The following SDK1 variants were observed in gnomAD, a reference collection of about 807,000 sequenced individuals.
SDK1 encodes the protein sidekick cell adhesion molecule 1.
A neutral mutation model predicts 245.5 loss-of-function variants in SDK1; 157 were observed. That is an observed-to-expected ratio of 0.64 (90% CI 0.56 to 0.73). The LOEUF (loss-of-function observed/expected upper bound fraction) is 0.73, where lower values mean the gene tolerates loss of function less well. Ranked by LOEUF, SDK1 falls within the 30% of genes least tolerant of loss-of-function variation. The pLI, the probability that SDK1 is intolerant of heterozygous loss-of-function variation, is 0.00. For synonymous variants in SDK1, 1,647 were observed against 1,278.5 expected, an observed-to-expected ratio of 1.29 and a Z score of -6.15; for missense variants, 3,583 against 3,002.3, an observed-to-expected ratio of 1.19 and a Z score of -4.52.
intron 44 of SDK1, among the ~76,000 whole-genome samples, chr7:4,258,184 A>G (rs1328409353): frequency 6.6e-6 from 1 of 152,182 alleles, no homozygotes; most frequent in Non-Finnish European, 1.5e-5. Context: ...AAACACGCAG[A>G]TGGGTGTGGG....
chr7:3,488,881 C>G (rs928880100), intron 1 of SDK1, among the ~76,000 whole-genome samples: 2 of 151,052 alleles, frequency 1.3e-5, no homozygotes, highest in Admixed American at 6.6e-5. Context: ...TAGCACTTCT[C>G]TCTTTCCCTT....
intron 35 of SDK1, among the ~76,000 whole-genome samples, chr7:4,195,561 C>G (rs1783528523): frequency 6.6e-6 from 1 of 152,212 alleles, no homozygotes; most frequent in South Asian, 2.1e-4. Context: ...CCTGGCATCT[C>G]TGCCGGGCGC....
intron 4 of SDK1, among the ~76,000 whole-genome samples, chr7:3,744,074 A>T (rs181933416): frequency 3.3e-5 from 5 of 152,240 alleles, no homozygotes; most frequent in East Asian, 1.9e-4. Context: ...CTTTATTTCA[A>T]TAGCCTCCTA....
intron 1 of SDK1, among the ~76,000 whole-genome samples, chr7:3,331,437 A>C (rs141494477): frequency 6.6e-6 from 1 of 152,196 alleles, no homozygotes; most frequent in Non-Finnish European, 1.5e-5. Context: ...GTCCATTTGC[A>C]TATCTTCTTT....
intron 14 of SDK1, among the ~76,000 whole-genome samples, chr7:3,993,215 G>T (rs960429532): frequency 2.0e-5 from 3 of 152,226 alleles, no homozygotes; most frequent in Non-Finnish European, 4.4e-5. Context: ...CGGCAACCTT[G>T]ATATTTGGGA....
chr7:3,702,758 G>T (rs949636648), intron 4 of SDK1, among the ~76,000 whole-genome samples: 2 of 152,184 alleles, frequency 1.3e-5, no homozygotes, highest in African/African-American at 4.8e-5. Context: ...AAATTAGAAA[G>T]ATGGTTCAAG....
intron 5 of SDK1, among the ~76,000 whole-genome samples, chr7:3,931,750 T>C (rs761301630): frequency 5.3e-5 from 8 of 152,318 alleles, no homozygotes; most frequent in East Asian, 1.9e-4. Flanking sequence ...TGCCGACTTA[T>C]GGGGCGTTTT....
rs77326065 is a variant in SDK1 at position 3,930,421 on chromosome 7, G to A, written c.848-20502G>A. Among the ~76,000 whole-genome samples, 692 of 152,206 alleles carry A rather than the reference G, an allele frequency of 4.5e-3. 6 individuals carry two copies. The highest frequency in any genetic ancestry group is 0.016 in the African/African-American group (657 of 41,518). ...TGAACAGGATCCCCAGCTGAATCAC[G>A]TACACACACAAGTTTGAGAAGCACT... On this transcript the variant is annotated intron_variant, in intron 5 of 44. Transcript: ENST00000404826.
At chr7:3,824,238 G>T (rs1017447891) in intron 5 of SDK1, among the ~76,000 whole-genome samples, 16 of 152,124 alleles carry the variant, frequency 1.1e-4, no homozygotes, top group Non-Finnish European at 2.1e-4. Context: ...GTGTTCTGCA[G>T]ACTTAGATAT....
At chr7:4,000,112 G>A (rs910486057) in intron 14 of SDK1, among the ~76,000 whole-genome samples, 1 of 152,182 alleles carries the variant, frequency 6.6e-6, no homozygotes, top group Non-Finnish European at 1.5e-5. Flanking sequence ...ATTGCTGATG[G>A]GGTTTCCCTG....
At chr7:3,846,710 C>T (rs576185259) in intron 5 of SDK1, among the ~76,000 whole-genome samples, 1 of 152,326 alleles carries the variant, frequency 6.6e-6, no homozygotes, top group East Asian at 1.9e-4. Context: ...AAGCTTGGCT[C>T]TGTTCTTGCC....
intron 1 of SDK1, among the ~76,000 whole-genome samples, chr7:3,508,963 G>C (rs1583973671): frequency 6.6e-6 from 1 of 152,198 alleles, no homozygotes; most frequent in African/African-American, 2.4e-5. Flanking sequence ...TATCTGCACT[G>C]TTTTAATAGA....
chr7:3,885,406 C>T (rs1192683361), intron 5 of SDK1, among the ~76,000 whole-genome samples: 2 of 152,172 alleles, frequency 1.3e-5, no homozygotes, highest in Non-Finnish European at 2.9e-5. Flanking sequence ...ACAGAGAATG[C>T]AGTGCAGCCC....
intron 1 of SDK1, among the ~76,000 whole-genome samples, chr7:3,325,328 G>A (rs1179673180): frequency 1.3e-5 from 2 of 151,846 alleles, no homozygotes; most frequent in African/African-American, 4.8e-5. Flanking sequence ...TATATTTAAC[G>A]TCTTAACCTA....
chr7:3,346,594 A>G (rs1044784387), intron 1 of SDK1, among the ~76,000 whole-genome samples: 2 of 149,744 alleles, frequency 1.3e-5, no homozygotes, highest in African/African-American at 4.9e-5. Context: ...ACTCAACTGC[A>G]GTCTCCAACT....
chr7:3,482,026 T>TAA (rs60021973), intron 1 of SDK1, among the ~76,000 whole-genome samples: 3 of 151,724 alleles, frequency 2.0e-5, no homozygotes, highest in Admixed American at 1.3e-4. Context: ...TCAAAACATA[T>TAA]AAAAATGTCA....
intron 2 of SDK1, among the ~76,000 whole-genome samples, chr7:3,625,988 G>A (rs1261241365): frequency 1.4e-5 from 2 of 139,638 alleles, no homozygotes; most frequent in South Asian, 4.5e-4. Flanking sequence ...CTGTCACCCA[G>A]GCTGGACTGT....
chr7:4,178,341 T>C (rs1782372672), intron 34 of SDK1, 144 bp from the exon 35 acceptor site: 1 of 692,718 alleles, frequency 1.4e-6, no homozygotes, highest in Non-Finnish European at 2.6e-6. Context: ...TCACAGTGGA[T>C]GCAGGTATTT....
chr7:3,534,982 G>A (rs752678425), intron 1 of SDK1, among the ~76,000 whole-genome samples: 2 of 152,088 alleles, frequency 1.3e-5, no homozygotes, highest in Non-Finnish European at 2.9e-5. Flanking sequence ...CCTTCCCCGT[G>A]GGCTGTGTAA....
Sources: allele counts gnomAD v4.1 joint callset (sites outside exome capture counted in the v4.1 genomes callset), GRCh38; gene constraint gnomAD v4.1.1; transcripts MANE v1.5; gene names NCBI Gene and HGNC (gene_info 2026-07-23, HGNC 2026-07-21).